Variants in NPTN observed in about 807,000 individuals in gnomAD.
NPTN encodes SDR-1.
A neutral mutation model predicts 42.7 loss-of-function variants in NPTN; 5 were observed. The observed-to-expected ratio is 0.12, with a 90% CI of 0.06 to 0.25. The LOEUF (loss-of-function observed/expected upper bound fraction) is 0.25. Ranked by LOEUF, NPTN falls within the 10% of genes least tolerant of loss-of-function variation. NPTN has a pLI of 1.00. For synonymous variants in NPTN, 180 were observed against 201.9 expected, an observed-to-expected ratio of 0.89 and a Z score of 0.92; for missense variants, 307 against 525.4, an observed-to-expected ratio of 0.58 and a Z score of 4.06.
rs1343707128 is a variant in NPTN, at chr15:73,570,391, G to A, written c.873C>T (p.Ile291=). ...DIVNTSGRFF[I]INKENYTELN... ...ACTCAGTGTAATTTTCCTTGTTGAT[G>A]ATGAAGAAGCGGCCAGAGGTATTGA... Residue 291 remains isoleucine, a synonymous_variant, in exon 6 of 9, where the codon ATC becomes ATT. Transcript: ENST00000345330. This position sits in a 1 kb window ranked among gnomAD's most constrained non-coding sequence, Gnocchi z 4.0. The A allele has an allele frequency of 1.9e-6, 3 of 1,613,548 alleles. No individual in the cohort carries two copies. The South Asian group carries it at 3.3e-5, about 18-fold the overall frequency.
chr15:73,570,652 C>A lies in NPTN; in HGVS notation c.841-229G>T, dbSNP rs982071011. Among the ~76,000 whole-genome samples the A allele has an allele frequency of 6.6e-6, 1 of 152,236 alleles. No homozygotes were observed. The highest frequency in any genetic ancestry group is 1.5e-5 in the Non-Finnish European group (1 of 68,046). On this transcript the variant is annotated intron_variant, in intron 5 of 8. Transcript: ENST00000345330. The surrounding 1 kb of genome is among the most constrained non-coding windows in gnomAD (Gnocchi z 4.0). ...GTCCTCCAGACTTCCCCGACTTCCA[C>A]GAAGTGAGTGCAGGTCCTACTGCCT...
intron 1 of NPTN, among the ~76,000 whole-genome samples, chr15:73,604,914 C>G (rs1239849104): frequency 1.3e-5 from 2 of 151,908 alleles, no homozygotes; most frequent in Non-Finnish European, 2.9e-5. Context: ...CTGCACCAGT[C>G]TGGACAACAT....
intron 8 of NPTN, among the ~76,000 whole-genome samples, 185 bp downstream of exon 8, chr15:73,561,711 A>T (rs1226883108): frequency 1.3e-5 from 2 of 152,186 alleles, no homozygotes; most frequent in Non-Finnish European, 2.9e-5. Flanking sequence ...AAAACAACGC[A>T]GCTGAAAAAT....
In NPTN at chr15:73,573,610, C is replaced by A. The variant is rs371543931; in HGVS notation, c.840+52G>T. The A allele has an allele frequency of 3.3e-6, 5 of 1,512,992 alleles. No individual in the cohort carries two copies. The African/African-American group carries it at 7.1e-5, about 22-fold the overall frequency. The allele number at this position is 1,512,992 out of a possible 1,614,324, so 93.7% of individuals were successfully genotyped here. On this transcript the variant is annotated intron_variant, in intron 5 of 8. Transcript: ENST00000345330. ...CAGTAACTGACCCACGTGTCTGGAC[C>A]TCTGCAGGGAAAACTCCAGCAACCA... is the stretch of plus-strand genomic sequence containing the variant.
At chr15:73,604,353 G>A (rs951593553) in intron 1 of NPTN, among the ~76,000 whole-genome samples, 2 of 152,134 alleles carry the variant, frequency 1.3e-5, no homozygotes, top group Non-Finnish European at 2.9e-5. Context: ...CTACTCAGGA[G>A]GCTGAGGCAG....
At position 73,597,404 on chromosome 15, in the gene NPTN, C is replaced by T; in HGVS notation, c.92-35G>A. ...GGGGGAGCAGGAATGCAGTGACAGG[C>T]CAATCAGAAAAAAAAAAAAGAATCA... On this transcript the variant is annotated intron_variant, in intron 1 of 8. Coordinates refer to ENST00000345330, the MANE Select transcript of NPTN (RefSeq NM_012428.4). The surrounding 1 kb of genome is among the most constrained non-coding windows in gnomAD (Gnocchi z 6.3). The T allele has an allele frequency of 7.0e-7, 1 of 1,435,350 alleles. No homozygotes were observed. The highest frequency in any genetic ancestry group is 9.5e-7 in the Non-Finnish European group (1 of 1,052,490). 88.9% of individuals were successfully genotyped at this position (1,435,350 alleles called of 1,614,324 possible). A position where few individuals can be genotyped will look rare whatever the true frequency, so the allele number is the denominator to read the frequency against.
chr15:73,589,493 A>G (rs945531730), intron 3 of NPTN, among the ~76,000 whole-genome samples: 1 of 152,160 alleles, frequency 6.6e-6, no homozygotes, highest in Non-Finnish European at 1.5e-5. Flanking sequence ...ACACATGCAG[A>G]AAGGTTAGTG....
chr15:73,581,504 G>C, intron 4 of NPTN, among the ~76,000 whole-genome samples: 1 of 152,166 alleles, frequency 6.6e-6, no homozygotes, highest in South Asian at 2.1e-4. Flanking sequence ...TAGTCACACT[G>C]GTTAATGGCT....
chr15:73,597,395 A>G lies in NPTN; in HGVS notation c.92-26T>C, dbSNP rs1896879290. 1 of 1,526,892 alleles carries G rather than the reference A, an allele frequency of 6.5e-7. No individual in the cohort carries two copies. The highest frequency in any genetic ancestry group is 2.3e-5 in the East Asian group (1 of 44,046). 94.6% of individuals were successfully genotyped at this position (1,526,892 alleles called of 1,614,324 possible). A position where few individuals can be genotyped will look rare whatever the true frequency, so the allele number is the denominator to read the frequency against. ...CTAGAGGGAGGGGGAGCAGGAATGC[A>G]GTGACAGGCCAATCAGAAAAAAAAA... On this transcript the variant is annotated intron_variant, in intron 1 of 8. Coordinates refer to ENST00000345330, the MANE Select transcript of NPTN (RefSeq NM_012428.4). This position sits in a 1 kb window ranked among gnomAD's most constrained non-coding sequence, Gnocchi z 6.3.
chr15:73,612,420 CAAAAAAA>C (rs35226980), intron 1 of NPTN, among the ~76,000 whole-genome samples: 1 of 120,036 alleles, frequency 8.3e-6, no homozygotes, highest in Non-Finnish European at 1.8e-5. Context: ...ATCCTGTCTC[CAAAAAAA>C]AAAAAAAAAA....
chr15:73,621,942 TA>T (rs1417587822), intron 1 of NPTN, among the ~76,000 whole-genome samples: 1 of 152,098 alleles, frequency 6.6e-6, no homozygotes, highest in Non-Finnish European at 1.5e-5. Flanking sequence ...GGAGAGCTCT[TA>T]CAATGAATTA....
intron 3 of NPTN, among the ~76,000 whole-genome samples, chr15:73,588,548 C>G (rs1896430979): frequency 6.6e-6 from 1 of 152,210 alleles, no homozygotes; most frequent in Admixed American, 6.5e-5. Flanking sequence ...TAGCTCCATC[C>G]CATGCCACTG....
chr15:73,584,834 T>C (rs2141385871), intron 4 of NPTN, among the ~76,000 whole-genome samples: 1 of 151,480 alleles, frequency 6.6e-6, no homozygotes, highest in South Asian at 2.1e-4. Context: ...CCCCACTACA[T>C]GTAGATACTC....
intron 4 of NPTN, among the ~76,000 whole-genome samples, chr15:73,577,511 T>A (rs894024144): frequency 1.3e-5 from 2 of 152,186 alleles, no homozygotes; most frequent in African/African-American, 4.8e-5. Context: ...TGAACTAACT[T>A]TGGGAGAAAC....
At chr15:73,592,813 A>T (rs2141401282) in intron 2 of NPTN, among the ~76,000 whole-genome samples, 1 of 152,292 alleles carries the variant, frequency 6.6e-6, no homozygotes, top group African/African-American at 2.4e-5. Context: ...TTGCACTTTA[A>T]AACACATTCC....
At chr15:73,580,731 CACCTTAGACCCAAAGCAGAACCAATTT>C (rs1319722151) in intron 4 of NPTN, among the ~76,000 whole-genome samples, 41 of 151,428 alleles carry the variant, frequency 2.7e-4, no homozygotes, top group African/African-American at 8.5e-4. Context: ...TGTGCTAAAA[CACCTTAGACCCAAAGCAGAACCAATTT>C]ACCTTAGACC....
At position 73,568,476 on chromosome 15, in the gene NPTN, C is replaced by G. The variant is rs1280706712; in HGVS notation, c.1114+1674G>C. On this transcript the variant is annotated intron_variant, in intron 6 of 8. Coordinates refer to ENST00000345330, the MANE Select transcript of NPTN (RefSeq NM_012428.4). ...CAGGAATGAGGCATAACTGATCCCA[C>G]AGAGCCAAAGCTGAAAACACACGAA... 3.0e-6 allele frequency: 3 copies of G among 985,288 alleles called. No homozygotes were observed. In the African/African-American group the frequency reaches 5.2e-5, roughly 17 times the overall value. 61.0% of individuals were successfully genotyped at this position (985,288 alleles called of 1,614,324 possible). A position where few individuals can be genotyped will look rare whatever the true frequency, so the allele number is the denominator to read the frequency against.
At chr15:73,606,311 A>C (rs1897291789) in intron 1 of NPTN, among the ~76,000 whole-genome samples, 1 of 152,220 alleles carries the variant, frequency 6.6e-6, no homozygotes, top group Non-Finnish European at 1.5e-5. Context: ...TGTCTGTCCA[A>C]GGAGAAAAAT....
chr15:73,576,327 G>A (rs1895694786), intron 4 of NPTN, among the ~76,000 whole-genome samples: 2 of 152,068 alleles, frequency 1.3e-5, no homozygotes, highest in Admixed American at 1.3e-4. Flanking sequence ...GGTAAGTAAA[G>A]AATGTATTTT....
Sources: allele counts gnomAD v4.1 joint callset (sites outside exome capture counted in the v4.1 genomes callset), GRCh38; gene constraint gnomAD v4.1.1; non-coding constraint Gnocchi (gnomAD v3.1); transcripts MANE v1.5; gene names NCBI Gene and HGNC (gene_info 2026-07-23, HGNC 2026-07-21).